Variants in EYA3 observed in about 807,000 individuals in gnomAD.
The protein encoded by EYA3 is protein phosphatase EYA3.
In EYA3, 39 loss-of-function variants were observed where a neutral mutation model predicts 80.0. The ratio of observed to expected loss-of-function variants is 0.49; its 90% CI spans 0.38 to 0.64. The LOEUF (loss-of-function observed/expected upper bound fraction) is 0.64. Ranked by LOEUF, EYA3 falls within the 30% of genes least tolerant of loss-of-function variation. EYA3 has a pLI of 0.00. For synonymous variants in EYA3, 206 were observed against 232.8 expected (o/e 0.88, Z 1.05); for missense variants, 523 against 676.1 (o/e 0.77, Z 2.51).
intron 10 of EYA3, 137 bp from the exon 11 acceptor site, chr1:28,004,556 G>A (rs989323094): frequency 1.5e-4 from 84 of 555,956 alleles, no homozygotes; most frequent in Non-Finnish European, 2.4e-4. Flanking sequence ...CAACCAATGC[G>A]TCAAAGAAGA....
rs1639912144 is a variant in EYA3 at position 27,989,829 on chromosome 1, G to C, written c.1304-18C>G. ...GAGGAGACCTTTAGGAATAAAAGCA[G>C]ACACATTTATCATTTGACAACATAT... On this transcript the variant is annotated intron_variant, in intron 14 of 17. Coordinates refer to ENST00000373871, the MANE Select transcript of EYA3 (RefSeq NM_001990.4). 7 of 1,491,780 alleles carry C rather than the reference G, an allele frequency of 4.7e-6. No individual in the cohort carries two copies. The East Asian group carries it at 1.4e-4, about 29-fold the overall frequency. 92.4% of individuals were successfully genotyped at this position (1,491,780 alleles called of 1,614,324 possible).
intron 1 of EYA3, among the ~76,000 whole-genome samples, chr1:28,061,661 G>A (rs1051423847): frequency 4.6e-5 from 7 of 151,548 alleles, no homozygotes; most frequent in Admixed American, 6.6e-5. Flanking sequence ...GTGCAGTGGC[G>A]CGATCTCAGC....
intron 1 of EYA3, among the ~76,000 whole-genome samples, chr1:28,058,674 AAG>A (rs1412793268): frequency 6.6e-6 from 1 of 152,200 alleles, no homozygotes; most frequent in African/African-American, 2.4e-5. Context: ...TTTAGAACTA[AAG>A]AAAATAATCA....
Position 28,057,987 on chromosome 1 carries a change from T to C in EYA3, c.33+7A>G. ...ATCAACTTTAAACTGTTAAAGGAAA[T>C]ACTTACTGGTTGCTCTGGTAAATCT... On this transcript the variant is annotated splice_region_variant and intron_variant, in intron 2 of 17. Coordinates refer to ENST00000373871, the MANE Select transcript of EYA3 (RefSeq NM_001990.4). The C allele has an allele frequency of 6.4e-7, 1 of 1,566,842 alleles. No homozygotes were observed. Among genetic ancestry groups the C allele is most frequent in the South Asian group, 1.2e-5 (1 of 85,560 alleles).
chr1:28,044,450 G>A (rs924641367), intron 3 of EYA3, among the ~76,000 whole-genome samples: 7 of 152,176 alleles, frequency 4.6e-5, no homozygotes, highest in Non-Finnish European at 7.3e-5. Context: ...AACTGTAACT[G>A]TTATTATATT....
intron 16 of EYA3, among the ~76,000 whole-genome samples, chr1:27,987,380 G>A (rs1639730659): frequency 6.6e-6 from 1 of 152,186 alleles, no homozygotes; most frequent in South Asian, 2.1e-4. Flanking sequence ...CATTTGAGCT[G>A]CTTCTAAGCT....
rs758854905 is a variant in EYA3, at chr1:27,988,581, T to G, written c.1494A>C (p.Leu498=). ...PALAKVLLYG[L]GEIFPIENIY... is the part of the protein sequence containing the mutation. ...TGTTCTCAATAGGAAATATTTCTCC[T>G]AGTCCATATAGGAGAACCTTGGCCA... is the stretch of plus-strand genomic sequence containing the variant. The change falls in exon 16 of 18, where the codon CTA becomes CTC. Residue 498 remains leucine (L), a synonymous_variant. Coordinates refer to ENST00000373871, the MANE Select transcript of EYA3 (RefSeq NM_001990.4). 6.2e-7 allele frequency: 1 copy of G among 1,614,126 alleles called. No homozygotes were observed. The highest frequency in any genetic ancestry group is 8.5e-7 in the Non-Finnish European group (1 of 1,179,978).
chr1:28,048,349 G>C, intron 3 of EYA3, 34 bp downstream of exon 3: 1 of 1,523,076 alleles, frequency 6.6e-7, no homozygotes, highest in Non-Finnish European at 8.9e-7. Context: ...AAACTTATGA[G>C]TAGTTCATTA....
rs773733575 is a variant in EYA3, at chr1:28,013,769, A to G, written c.586-475T>C. On this transcript the variant is annotated intron_variant, in intron 8 of 17. Transcript: ENST00000373871. This position sits in a 1 kb window ranked among gnomAD's most constrained non-coding sequence, Gnocchi z 4.0. ...CCTACATTAAAATGTCTTAATTTAA[A>G]AACTGATTATCAGCTGGGTGCAGTG... Among the ~76,000 whole-genome samples the G allele has an allele frequency of 1.8e-4, 27 of 152,248 alleles. No homozygotes were observed. Among genetic ancestry groups the G allele is most frequent in the Non-Finnish European group, 2.4e-4 (16 of 68,036 alleles).
chr1:28,058,056 G>A lies in EYA3; in HGVS notation c.-30C>T. On this transcript the variant is annotated 5_prime_UTR_variant, in exon 2 of 18. Transcript: ENST00000373871. ...ACCAATATTTCTTTATTATACTTAT[G>A]TGACTGGATTGCAAGTCTCTCTCAG... 7 of 1,549,950 alleles carry A rather than the reference G, an allele frequency of 4.5e-6. No homozygotes were observed. The highest frequency in any genetic ancestry group is 6.1e-6 in the Non-Finnish European group (7 of 1,143,536).
intron 1 of EYA3, among the ~76,000 whole-genome samples, chr1:28,072,173 G>A (rs1057462084): frequency 6.6e-6 from 1 of 152,012 alleles, no homozygotes; most frequent in African/African-American, 2.4e-5. Context: ...AAATAGTCTT[G>A]CAAAAAACAG....
At chr1:28,001,262 C>A (rs925240321) in intron 11 of EYA3, among the ~76,000 whole-genome samples, 1 of 148,222 alleles carries the variant, frequency 6.7e-6, no homozygotes, top group Non-Finnish European at 1.5e-5. Context: ...ATATATGATA[C>A]AAGATATATA....
intron 17 of EYA3, chr1:27,977,155 A>G: frequency 7.0e-7 from 1 of 1,429,458 alleles, no homozygotes; most frequent in Non-Finnish European, 9.1e-7. Flanking sequence ...GTCTTTCCCA[A>G]AGAGGGCAAC....
intron 4 of EYA3, among the ~76,000 whole-genome samples, chr1:28,039,110 A>G (rs1643632091): frequency 2.0e-5 from 3 of 152,166 alleles, no homozygotes; most frequent in Non-Finnish European, 4.4e-5. Context: ...TTAAAAAAAG[A>G]AGGGTGGGGT....
At chr1:27,982,280 G>A (rs1007385387) in intron 16 of EYA3, among the ~76,000 whole-genome samples, 2 of 151,764 alleles carry the variant, frequency 1.3e-5, no homozygotes, top group Non-Finnish European at 2.9e-5. Flanking sequence ...TTACAGGCAT[G>A]AGCCACGGCT....
intron 1 of EYA3, among the ~76,000 whole-genome samples, chr1:28,076,723 T>C (rs1282797994): frequency 1.3e-5 from 2 of 149,296 alleles, no homozygotes; most frequent in African/African-American, 4.9e-5. Flanking sequence ...TAAGAATAAT[T>C]GCTTTTATAA....
At chr1:28,029,496 A>G (rs575933286) in intron 6 of EYA3, among the ~76,000 whole-genome samples, 1 of 152,238 alleles carries the variant, frequency 6.6e-6, no homozygotes, top group South Asian at 2.1e-4. Flanking sequence ...CATCTGCATG[A>G]GAGTCCAAGG....
At chr1:28,085,450 T>G (rs994877195) in intron 1 of EYA3, among the ~76,000 whole-genome samples, 1 of 152,050 alleles carries the variant, frequency 6.6e-6, no homozygotes. Flanking sequence ...TTTTGTTTTG[T>G]TTTTTGTCTC....
intron 15 of EYA3, among the ~76,000 whole-genome samples, chr1:27,989,020 A>G (rs1486723770): frequency 6.6e-6 from 1 of 152,224 alleles, no homozygotes; most frequent in Non-Finnish European, 1.5e-5. Context: ...GTACTCTTTC[A>G]TCTGAATGCA....
Sources: allele counts gnomAD v4.1 joint callset (sites outside exome capture counted in the v4.1 genomes callset), GRCh38; gene constraint gnomAD v4.1.1; non-coding constraint Gnocchi (gnomAD v3.1); transcripts MANE v1.5; gene names NCBI Gene and HGNC (gene_info 2026-07-23, HGNC 2026-07-21).